CACNA2D3: variants seen among roughly 807,000 people sequenced by gnomAD.
CACNA2D3 encodes voltage-dependent calcium channel subunit alpha-2/delta-3.
In CACNA2D3, 60 loss-of-function variants were observed where a neutral mutation model predicts 160.6. That is an observed-to-expected ratio of 0.37 (90% CI 0.30 to 0.46). CACNA2D3 has a LOEUF of 0.46. CACNA2D3 is among the 20% of genes least tolerant of loss of function. CACNA2D3 has a pLI of 1.00. For missense variants in CACNA2D3, 1,205 were observed against 1,365.0 expected, an observed-to-expected ratio of 0.88 and a Z score of 1.85; for synonymous variants, 558 against 492.9, an observed-to-expected ratio of 1.13 and a Z score of -1.75.
intron 13 of CACNA2D3, among the ~76,000 whole-genome samples, chr3:54,780,499 A>T (rs796238532): frequency 4.5e-4 from 69 of 152,328 alleles, no homozygotes; most frequent in African/African-American, 1.6e-3. Context: ...GGAAGTGTGG[A>T]ATGTGATTTT....
intron 11 of CACNA2D3, among the ~76,000 whole-genome samples, chr3:54,688,496 T>C (rs778292428): frequency 2.0e-5 from 3 of 151,906 alleles, no homozygotes; most frequent in Admixed American, 2.0e-4. Flanking sequence ...AAAGGTAGAT[T>C]ATTGAGTGAG....
At chr3:54,489,800 C>G (rs963538803) in intron 4 of CACNA2D3, among the ~76,000 whole-genome samples, 2 of 152,092 alleles carry the variant, frequency 1.3e-5, no homozygotes, top group Admixed American at 6.5e-5. Context: ...GCTGGAGATT[C>G]CAGATGGCTG....
chr3:55,033,369 C>A (rs1175038790), intron 35 of CACNA2D3, among the ~76,000 whole-genome samples: 1 of 151,966 alleles, frequency 6.6e-6, no homozygotes, highest in Admixed American at 6.6e-5. Context: ...CACCCATAAT[C>A]CCCTGAGTTC....
At chr3:54,263,943 A>G (rs1021794021) in intron 2 of CACNA2D3, among the ~76,000 whole-genome samples, 4 of 152,090 alleles carry the variant, frequency 2.6e-5, no homozygotes, top group African/African-American at 9.7e-5. Flanking sequence ...GTTAAACTTC[A>G]TTATTAATAG....
chr3:54,482,863 C>G (rs1700955904), intron 4 of CACNA2D3, among the ~76,000 whole-genome samples: 1 of 152,196 alleles, frequency 6.6e-6, no homozygotes, highest in African/African-American at 2.4e-5. Flanking sequence ...ATAGCCCCCT[C>G]TCCTGTACTT....
intron 5 of CACNA2D3, among the ~76,000 whole-genome samples, chr3:54,524,122 T>C (rs1701688815): frequency 6.6e-6 from 1 of 152,126 alleles, no homozygotes; most frequent in South Asian, 2.1e-4. Flanking sequence ...TATTCTTTCT[T>C]AATAGAGGCA....
chr3:54,497,207 G>A lies in CACNA2D3; in HGVS notation c.382-6285G>A, dbSNP rs74967090. Among the ~76,000 whole-genome samples, 614 of 152,060 alleles carry A rather than the reference G, an allele frequency of 4.0e-3. 3 individuals are homozygous for A. The highest frequency in any genetic ancestry group is 0.014 in the Middle Eastern group (4 of 294). On this transcript the variant is annotated intron_variant, in intron 4 of 37. Coordinates refer to ENST00000474759, the MANE Select transcript of CACNA2D3 (RefSeq NM_018398.3). ...GTAGATCACTTTGGGAAGAACTTGC[G>A]TCATAAAATAGAATTCTCCAATTTT...
intron 18 of CACNA2D3, among the ~76,000 whole-genome samples, chr3:54,873,953 C>G (rs1360325355): frequency 6.6e-6 from 1 of 152,132 alleles, no homozygotes; most frequent in Non-Finnish European, 1.5e-5. Context: ...TTGGGATTTG[C>G]ACCTGAGTAG....
intron 4 of CACNA2D3, among the ~76,000 whole-genome samples, chr3:54,458,051 A>C (rs1282125605): frequency 1.3e-5 from 2 of 152,026 alleles, no homozygotes; most frequent in Non-Finnish European, 2.9e-5. Flanking sequence ...TATATCTTTT[A>C]ACTGGGAAAT....
At chr3:54,302,363 C>A (rs370361967) in intron 2 of CACNA2D3, among the ~76,000 whole-genome samples, 1 of 151,970 alleles carries the variant, frequency 6.6e-6, no homozygotes, top group Non-Finnish European at 1.5e-5. Context: ...TTTAAAATAC[C>A]CTTTGTTTGT....
intron 34 of CACNA2D3, among the ~76,000 whole-genome samples, chr3:55,011,214 C>G (rs932342657): frequency 6.6e-6 from 1 of 152,218 alleles, no homozygotes; most frequent in East Asian, 1.9e-4. Context: ...TGGCTCTGCC[C>G]TGGGAGGCTG....
chr3:54,798,658 C>T (rs889927691), intron 13 of CACNA2D3, among the ~76,000 whole-genome samples: 2 of 152,210 alleles, frequency 1.3e-5, no homozygotes, highest in Non-Finnish European at 2.9e-5. Context: ...TACTATAAGA[C>T]AGAATCTCAC....
At chr3:54,595,841 T>C (rs73841699) in intron 9 of CACNA2D3, among the ~76,000 whole-genome samples, 7,412 of 152,080 alleles carry the variant, frequency 0.049, 660 homozygotes, top group African/African-American at 0.17. Context: ...CCAGATACAG[T>C]TATACCTTAT....
At chr3:54,415,141 A>G (rs1487897717) in intron 4 of CACNA2D3, among the ~76,000 whole-genome samples, 1 of 152,124 alleles carries the variant, frequency 6.6e-6, no homozygotes, top group Admixed American at 6.6e-5. Context: ...ACATTTCCAT[A>G]AAACTTAGTG....
chr3:54,699,593 A>G (rs1054244299), intron 11 of CACNA2D3, among the ~76,000 whole-genome samples: 11 of 152,116 alleles, frequency 7.2e-5, no homozygotes, highest in Non-Finnish European at 1.5e-4. Flanking sequence ...CAGCATTTTA[A>G]TATAAGGGCA....
chr3:54,767,527 C>G (rs1702247327), intron 13 of CACNA2D3, among the ~76,000 whole-genome samples: 1 of 152,054 alleles, frequency 6.6e-6, no homozygotes, highest in African/African-American at 2.4e-5. Context: ...CTCTGTCTTT[C>G]TAAAGGACCT....
chr3:54,499,752 C>T (rs568552511), intron 4 of CACNA2D3, among the ~76,000 whole-genome samples: 21 of 151,990 alleles, frequency 1.4e-4, no homozygotes, highest in African/African-American at 4.6e-4. Flanking sequence ...GAGCAGACAC[C>T]GTATGATTTC....
At chr3:54,315,680 G>A (rs183366122) in intron 2 of CACNA2D3, among the ~76,000 whole-genome samples, 5 of 152,252 alleles carry the variant, frequency 3.3e-5, no homozygotes, top group African/African-American at 9.6e-5. Context: ...TGCAACATGG[G>A]GGTTTGTGAG....
intron 29 of CACNA2D3, among the ~76,000 whole-genome samples, chr3:54,982,447 C>G (rs1410153204): frequency 6.6e-6 from 1 of 152,076 alleles, no homozygotes. Context: ...CCCCACTTAC[C>G]CAAAGTCAGT....
Sources: allele counts gnomAD v4.1 joint callset (sites outside exome capture counted in the v4.1 genomes callset), GRCh38; gene constraint gnomAD v4.1.1; transcripts MANE v1.5; gene names NCBI Gene and HGNC (gene_info 2026-07-23, HGNC 2026-07-21).